HTT: variants seen among roughly 807,000 people sequenced by gnomAD.
HTT encodes the protein huntington disease protein.
Under a neutral mutation model 362.3 loss-of-function variants are expected in HTT, and 104 were observed. That is an observed-to-expected ratio of 0.29 (90% confidence interval 0.24 to 0.34). The LOEUF is 0.34. Among genes scored for constraint, HTT ranks in the 10% least tolerant of loss-of-function variants. HTT has a pLI of 1.00. For missense variants in HTT, 3,301 were observed against 3,928.6 expected (o/e 0.84, Z 4.27); for synonymous variants, 1,577 against 1,548.7 (o/e 1.02, Z -0.43).
chr4:3,092,968 G>A (rs1477107510), intron 2 of HTT, among the ~76,000 whole-genome samples: 1 of 152,198 alleles, frequency 6.6e-6, no homozygotes, highest in East Asian at 1.9e-4. Flanking sequence ...ACTGAGAGGA[G>A]ACTGAGGCTG....
rs143962620 is a variant in HTT at position 3,172,659 on chromosome 4, C to T, written c.3943-249C>T. 3.4e-3 allele frequency among the ~76,000 whole-genome samples: 514 copies of T among 152,252 alleles called. 2 individuals carry two copies. The highest frequency in any genetic ancestry group is 0.02 in the Middle Eastern group (6 of 294). ...CCTCGCTAGTTAACTTCCAGTCCCT[C>T]GGAGTTTCTGTTTAGAATGCTCAAT... On this transcript the variant is annotated intron_variant, in intron 30 of 66. Transcript: ENST00000355072.
chr4:3,157,666 C>A (rs1367454847), intron 28 of HTT, among the ~76,000 whole-genome samples: 1 of 152,158 alleles, frequency 6.6e-6, no homozygotes, highest in East Asian at 1.9e-4. Flanking sequence ...CACTTGTTAT[C>A]AGCTAGGGAA....
chr4:3,105,320 T>C, intron 4 of HTT, 37 bp from the exon 5 acceptor site: 1 of 1,402,100 alleles, frequency 7.1e-7, no homozygotes, highest in Non-Finnish European at 1.0e-6. Flanking sequence ...GTGACTAGTA[T>C]GTGACTCTTA....
chr4:3,236,305 C>A, intron 64 of HTT, 51 bp downstream of exon 64: 1 of 1,290,950 alleles, frequency 7.7e-7, no homozygotes, highest in Non-Finnish European at 1.1e-6. Context: ...AGAACTTTGG[C>A]CTGAAGCTGT....
chr4:3,237,833 G>A (rs1477252509), intron 64 of HTT, among the ~76,000 whole-genome samples: 1 of 152,200 alleles, frequency 6.6e-6, no homozygotes, highest in African/African-American at 2.4e-5. Flanking sequence ...CAGGGGGCGT[G>A]TTTCAGGATC....
intron 49 of HTT, among the ~76,000 whole-genome samples, chr4:3,213,577 C>T (rs1201348335): frequency 6.6e-6 from 1 of 152,218 alleles, no homozygotes; most frequent in Non-Finnish European, 1.5e-5. Context: ...GAACCCAAGG[C>T]CTGCTATCCC....
rs1300854811 is a variant in HTT at position 3,228,118 on chromosome 4, T to C, written c.7849-497T>C. ...CAGCACTGTGCCAAGTGCTCGAGGC[T>C]TCCCGAGAACCAGGCAGAAAGGAGG... On this transcript the variant is annotated intron_variant, in intron 57 of 66. Coordinates refer to ENST00000355072, the MANE Select transcript of HTT (RefSeq NM_001388492.1). The surrounding 1 kb of genome is among the most constrained non-coding windows in gnomAD (Gnocchi z 4.3). Among the ~76,000 whole-genome samples the C allele has an allele frequency of 6.6e-6, 1 of 152,152 alleles. No homozygotes were observed. Among genetic ancestry groups the C allele is most frequent in the Admixed American group, 6.5e-5 (1 of 15,286 alleles).
intron 6 of HTT, among the ~76,000 whole-genome samples, chr4:3,113,805 G>T (rs899680527): frequency 6.6e-6 from 1 of 151,706 alleles, no homozygotes; most frequent in African/African-American, 2.4e-5. Context: ...AGGGAGTCCT[G>T]TGGCTGGCAA....
rs569278968 is a variant in HTT at position 3,138,848 on chromosome 4, A to G, written c.2799-1662A>G. 5.0e-4 allele frequency among the ~76,000 whole-genome samples: 76 copies of G among 152,284 alleles called. 2 individuals are homozygous for G. The highest frequency in any genetic ancestry group is 2.3e-3 in the Admixed American group (35 of 15,296). On this transcript the variant is annotated intron_variant, in intron 21 of 66. Coordinates refer to ENST00000355072, the MANE Select transcript of HTT (RefSeq NM_001388492.1). The stretch of plus-strand genomic sequence containing the variant: ...GACTGGTCTCAAGCTCCTGACCTCA[A>G]GTGATCCACCTGCCTTGGCCTTCCA...
intron 56 of HTT, among the ~76,000 whole-genome samples, chr4:3,224,803 A>G (rs1235425399): frequency 6.6e-6 from 1 of 152,234 alleles, no homozygotes; most frequent in Non-Finnish European, 1.5e-5. Flanking sequence ...TGTTATACGC[A>G]GTGTCTATGA....
Position 3,230,051 on chromosome 4 carries a change from C to T in HTT, c.8265+9C>T, listed in dbSNP as rs963737787. The T allele has an allele frequency of 6.2e-7, 1 of 1,612,642 alleles. No homozygotes were observed. Among genetic ancestry groups the T allele is most frequent in the Non-Finnish European group, 8.5e-7 (1 of 1,178,730 alleles). ...CTGCCGTCCTTGGGATGGTAAGTGACAGGTGGCACAGAGGTTTCTGTGCTG... is the reference window on the plus strand; with the variant it reads ...CTGCCGTCCTTGGGATGGTAAGTGATAGGTGGCACAGAGGTTTCTGTGCTG... On this transcript the variant is annotated intron_variant, in intron 60 of 66. Transcript: ENST00000355072.
chr4:3,126,816 T>C (rs1467260871), intron 11 of HTT, among the ~76,000 whole-genome samples: 1 of 152,230 alleles, frequency 6.6e-6, no homozygotes, highest in African/African-American at 2.4e-5. Context: ...AGATCTTGAA[T>C]GTGGCTTGGA....
intron 2 of HTT, among the ~76,000 whole-genome samples, chr4:3,097,335 TA>T (rs1338606793): frequency 1.1e-4 from 16 of 151,838 alleles, no homozygotes; most frequent in African/African-American, 3.9e-4. Flanking sequence ...ATATAGATAT[TA>T]AAAGGACTGT....
intron 41 of HTT, chr4:3,203,211 T>G (rs1184966474): frequency 6.6e-6 from 1 of 152,268 alleles, no homozygotes; most frequent in African/African-American, 2.4e-5. Flanking sequence ...TTAAAAAGTT[T>G]AAATCTGTAG....
chr4:3,089,077 C>T (rs957814024), intron 2 of HTT, among the ~76,000 whole-genome samples: 4 of 152,148 alleles, frequency 2.6e-5, no homozygotes, highest in South Asian at 2.1e-4. Flanking sequence ...TAAGCTGTAA[C>T]GTGTTTGAGC....
At chr4:3,083,530 T>TATATATATACACACACACACACAC in intron 1 of HTT, among the ~76,000 whole-genome samples, 1 of 125,220 alleles carries the variant, frequency 8.0e-6, no homozygotes, top group South Asian at 3.0e-4. Context: ...TCTCTAAATA[T>TATATATATACACACACACACACAC]ACACACACAC....
chr4:3,210,679 G>A (rs141124964), intron 47 of HTT, among the ~76,000 whole-genome samples: 6 of 152,236 alleles, frequency 3.9e-5, no homozygotes, highest in Admixed American at 6.5e-5. Context: ...CTACTAGGAC[G>A]GGAGAAACCT....
chr4:3,078,769 C>T (rs1188327886), intron 1 of HTT, among the ~76,000 whole-genome samples: 14 of 150,582 alleles, frequency 9.3e-5, no homozygotes, highest in Admixed American at 8.0e-4. Flanking sequence ...GAGTCTTGCT[C>T]TGTCGCCCAG....
In HTT at chr4:3,238,594, C is replaced by T. The variant is rs1470062693; in HGVS notation, c.9039C>T (p.Ala3013=). ...AGCAGCCATACCCCCAGTTCATGGC[C>T]ACCGTGGTGTATAAGGTGAGGTTGC... ...SNQQPYPQFM[A]TVVYKVFQTL... Residue 3013 remains alanine, a synonymous_variant, in exon 65 of 67, where the codon GCC becomes GCT. Coordinates refer to ENST00000355072, the MANE Select transcript of HTT (RefSeq NM_001388492.1). The T allele has an allele frequency of 6.2e-7, 1 of 1,609,508 alleles. No homozygotes were observed.
Sources: allele counts gnomAD v4.1 joint callset (sites outside exome capture counted in the v4.1 genomes callset), GRCh38; gene constraint gnomAD v4.1.1; non-coding constraint Gnocchi (gnomAD v3.1); transcripts MANE v1.5; gene names NCBI Gene and HGNC (gene_info 2026-07-23, HGNC 2026-07-21).